RAB10: variants seen among roughly 807,000 people sequenced by gnomAD.
RAB10 encodes ras-related protein Rab-10.
In RAB10, 5 loss-of-function variants were observed where a neutral mutation model predicts 25.7. The ratio of observed to expected loss-of-function variants is 0.19; its 90% confidence interval spans 0.10 to 0.41. RAB10 has a LOEUF of 0.41. RAB10 is among the 10% of genes least tolerant of loss of function. The probability of loss-of-function intolerance (pLI) is 1.00; values close to 1 mark genes in which losing one functional copy is unlikely to be tolerated. For synonymous variants in RAB10, 89 were observed against 86.4 expected (o/e 1.03, Z -0.16); for missense variants, 103 against 245.8 (o/e 0.42, Z 3.89).
intron 1 of RAB10, among the ~76,000 whole-genome samples, chr2:26,064,720 A>G (rs1441353155): frequency 6.6e-6 from 1 of 152,190 alleles, no homozygotes; most frequent in East Asian, 1.9e-4. Context: ...CAAATTATGT[A>G]ATCATTTTAA....
At chr2:26,058,673 C>T (rs929319119) in intron 1 of RAB10, among the ~76,000 whole-genome samples, 2 of 152,206 alleles carry the variant, frequency 1.3e-5, no homozygotes, top group Admixed American at 1.3e-4. Flanking sequence ...CAAGCACACT[C>T]CTGCCTCAGG....
At chr2:26,123,326 C>G (rs1375352196) in intron 3 of RAB10, among the ~76,000 whole-genome samples, 2 of 152,126 alleles carry the variant, frequency 1.3e-5, no homozygotes, top group Non-Finnish European at 1.5e-5. Context: ...GCATCTAGAT[C>G]AGGGGATCAT....
chr2:26,061,998 T>G (rs972709455), intron 1 of RAB10, among the ~76,000 whole-genome samples: 1 of 152,148 alleles, frequency 6.6e-6, no homozygotes, highest in Admixed American at 6.5e-5. Context: ...CATGAACAGT[T>G]GATGGTTCTA....
At chr2:26,059,917 T>C (rs926151529) in intron 1 of RAB10, among the ~76,000 whole-genome samples, 4 of 152,224 alleles carry the variant, frequency 2.6e-5, no homozygotes, top group African/African-American at 9.6e-5. Context: ...TGTTTTAAAT[T>C]ATGTGGGTTT....
intron 1 of RAB10, among the ~76,000 whole-genome samples, chr2:26,051,091 C>T (rs1574528014): frequency 6.6e-6 from 1 of 152,094 alleles, no homozygotes; most frequent in East Asian, 1.9e-4. Context: ...GCATGTGCCA[C>T]TGCATCTGGT....
At chr2:26,080,978 A>T (rs533287518) in intron 1 of RAB10, among the ~76,000 whole-genome samples, 3 of 152,254 alleles carry the variant, frequency 2.0e-5, no homozygotes, top group African/African-American at 7.2e-5. Context: ...CTTGAATTGT[A>T]ATTCCCACAG....
At chr2:26,048,809 G>C (rs757478905) in intron 1 of RAB10, among the ~76,000 whole-genome samples, 2 of 152,178 alleles carry the variant, frequency 1.3e-5, no homozygotes, top group African/African-American at 2.4e-5. Context: ...CAGGGAGGTT[G>C]AGGCTGCAGT....
intron 1 of RAB10, among the ~76,000 whole-genome samples, chr2:26,095,896 C>T (rs115346159): frequency 1.3e-5 from 2 of 152,256 alleles, no homozygotes; most frequent in Non-Finnish European, 2.9e-5. Flanking sequence ...GGTGACAGAG[C>T]GACAGCCAGT....
intron 3 of RAB10, among the ~76,000 whole-genome samples, chr2:26,126,362 G>A (rs1295362247): frequency 6.6e-6 from 1 of 152,132 alleles, no homozygotes; most frequent in African/African-American, 2.4e-5. Context: ...TGGATCACTT[G>A]AGGCCAGGAG....
chr2:26,097,691 A>G (rs951164451), intron 1 of RAB10, among the ~76,000 whole-genome samples: 2 of 152,056 alleles, frequency 1.3e-5, no homozygotes, highest in African/African-American at 4.8e-5. Flanking sequence ...TTAGATGGAG[A>G]TTTCTGTATA....
chr2:26,034,851 G>C, intron 1 of RAB10, 116 bp downstream of exon 1: 1 of 1,415,286 alleles, frequency 7.1e-7, no homozygotes, highest in Non-Finnish European at 9.7e-7. Flanking sequence ...GATTCCAAAC[G>C]ACACATCCAA....
chr2:26,049,957 T>G (rs1666098611), intron 1 of RAB10, among the ~76,000 whole-genome samples: 1 of 152,226 alleles, frequency 6.6e-6, no homozygotes, highest in Non-Finnish European at 1.5e-5. Context: ...TTTCTGTTGT[T>G]TTCCTGGACA....
chr2:26,120,592 C>CT lies in RAB10; in HGVS notation c.328-6540dup, dbSNP rs71694853. Among the ~76,000 whole-genome samples, 242 of 146,076 alleles carry CT rather than the reference C, an allele frequency of 1.7e-3. 1 individual carries two copies. Among genetic ancestry groups the CT allele is most frequent in the African/African-American group, 2.6e-3 (104 of 40,392 alleles). On this transcript the variant is annotated intron_variant, in intron 3 of 5. Transcript: ENST00000264710. Reference sequence around the variant, plus strand: ...CATGGAATCCCTAAATAGGGAGTTTCTTTTTTTTTTTTCTTGAGACGGAGT... The same window carrying CT: ...CATGGAATCCCTAAATAGGGAGTTTCTTTTTTTTTTTTTCTTGAGACGGAGT...
intron 1 of RAB10, among the ~76,000 whole-genome samples, chr2:26,090,743 C>T (rs964521491): frequency 6.6e-5 from 10 of 151,726 alleles, no homozygotes; most frequent in Admixed American, 1.3e-4. Context: ...AGACCAGCCT[C>T]CCCAACATAG....
At chr2:26,036,794 T>C (rs1665772990) in intron 1 of RAB10, among the ~76,000 whole-genome samples, 2 of 151,964 alleles carry the variant, frequency 1.3e-5, no homozygotes, top group African/African-American at 2.4e-5. Flanking sequence ...TGGTCAACTT[T>C]ATTTATTTAT....
At chr2:26,113,989 A>G (rs570946999) in intron 3 of RAB10, among the ~76,000 whole-genome samples, 28 of 152,310 alleles carry the variant, frequency 1.8e-4, no homozygotes, top group Admixed American at 1.2e-3. Flanking sequence ...TCCATTTGTA[A>G]TAATATCAAA....
At chr2:26,115,755 G>A (rs2149285808) in intron 3 of RAB10, among the ~76,000 whole-genome samples, 1 of 151,900 alleles carries the variant, frequency 6.6e-6, no homozygotes, top group East Asian at 1.9e-4. Context: ...ACTCAAAACT[G>A]TTATTTTTTT....
chr2:26,068,763 A>G (rs1666564596), intron 1 of RAB10, among the ~76,000 whole-genome samples: 1 of 152,216 alleles, frequency 6.6e-6, no homozygotes, highest in African/African-American at 2.4e-5. Flanking sequence ...ATATGGGCTG[A>G]GTCTTGCTGA....
chr2:26,114,727 C>CAAAAAAAAAAAAAA (rs1667645248), intron 3 of RAB10, among the ~76,000 whole-genome samples: 1 of 81,466 alleles, frequency 1.2e-5, no homozygotes, highest in African/African-American at 6.9e-5. Context: ...CCCATCTCTA[C>CAAAAAAAAAAAAAA]AAAAATATAC....
Sources: gnomAD v4.1 joint callset for allele counts (sites outside exome capture counted in the v4.1 genomes callset) on GRCh38, gnomAD v4.1.1 for gene constraint, MANE v1.5 for transcripts, NCBI Gene and HGNC (gene_info 2026-07-23, HGNC 2026-07-21) for gene names.